The following MGMT variants were observed in gnomAD, a reference collection of about 807,000 sequenced individuals.
MGMT encodes the protein methylated-DNA--protein-cysteine methyltransferase.
A neutral mutation model predicts 15.9 loss-of-function variants in MGMT; 14 were observed. The ratio of observed to expected loss-of-function variants is 0.88; its 90% CI spans 0.58 to 1.37. The LOEUF (loss-of-function observed/expected upper bound fraction) is 1.37, where lower values mean the gene tolerates loss of function less well. Ranked by LOEUF, MGMT falls within the 40% of genes most tolerant of loss-of-function variation. The pLI is 0.00. For synonymous variants in MGMT, 130 were observed against 118.2 expected (o/e 1.10, Z -0.65); for missense variants, 282 against 268.1 (o/e 1.05, Z -0.36).
At chr10:129,757,657 C>G (rs908818972) in intron 3 of MGMT, among the ~76,000 whole-genome samples, 1 of 152,106 alleles carries the variant, frequency 6.6e-6, no homozygotes, top group Non-Finnish European at 1.5e-5. Flanking sequence ...TTAGGCATAA[C>G]AACAACAGCA....
In MGMT at chr10:129,659,244, C is replaced by T. The variant is rs933363773; in HGVS notation, c.126-48651C>T. 2.0e-5 allele frequency among the ~76,000 whole-genome samples: 3 copies of T among 152,032 alleles called. No homozygotes were observed. Among genetic ancestry groups the T allele is most frequent in the African/African-American group, 4.8e-5 (2 of 41,370 alleles). ...TGGTGGTGCACACCCGTAGTCTCAG[C>T]TACTCGGGAGGCTGAGGCAGGAGAA... is the stretch of plus-strand genomic sequence containing the variant. On this transcript the variant is annotated intron_variant, in intron 2 of 4. Coordinates refer to ENST00000651593, the MANE Select transcript of MGMT (RefSeq NM_002412.5). The surrounding 1 kb of genome is among the most constrained non-coding windows in gnomAD (Gnocchi z 4.1).
chr10:129,578,993 G>A (rs192482996), intron 2 of MGMT, among the ~76,000 whole-genome samples: 9 of 152,202 alleles, frequency 5.9e-5, no homozygotes, highest in South Asian at 4.2e-4. Context: ...TAAGCCTGCC[G>A]TCGCCTTAAT....
At chr10:129,584,947 G>A (rs1040094127) in intron 2 of MGMT, among the ~76,000 whole-genome samples, 6 of 152,136 alleles carry the variant, frequency 3.9e-5, no homozygotes, top group African/African-American at 1.2e-4. Flanking sequence ...GTGTATATAT[G>A]TGTTCATTTC....
intron 2 of MGMT, among the ~76,000 whole-genome samples, chr10:129,580,426 G>T (rs1258581540): frequency 6.6e-6 from 1 of 152,218 alleles, no homozygotes; most frequent in African/African-American, 2.4e-5. Flanking sequence ...AGGTCACACA[G>T]CTCTTCAGAG....
chr10:129,613,247 A>G (rs1175185901), intron 2 of MGMT, among the ~76,000 whole-genome samples: 1 of 152,198 alleles, frequency 6.6e-6, no homozygotes, highest in Non-Finnish European at 1.5e-5. Flanking sequence ...GAATAAAACC[A>G]AGAGAGTCAC....
chr10:129,624,875 G>A (rs778506058), intron 2 of MGMT, among the ~76,000 whole-genome samples: 1 of 152,122 alleles, frequency 6.6e-6, no homozygotes, highest in Non-Finnish European at 1.5e-5. Context: ...CTATGTAAAC[G>A]TGACAAAGTA....
At chr10:129,647,864 T>C (rs1847414657) in intron 2 of MGMT, among the ~76,000 whole-genome samples, 1 of 152,200 alleles carries the variant, frequency 6.6e-6, no homozygotes, top group South Asian at 2.1e-4. Context: ...TTACTGAAAA[T>C]GACAAAAATG....
At chr10:129,646,925 G>A (rs1036192170) in intron 2 of MGMT, among the ~76,000 whole-genome samples, 1 of 150,996 alleles carries the variant, frequency 6.6e-6, no homozygotes, top group South Asian at 2.1e-4. Flanking sequence ...CCGCCCCTCC[G>A]TCCTCTTTCC....
chr10:129,519,551 G>C (rs1845781295), intron 1 of MGMT, among the ~76,000 whole-genome samples: 1 of 152,180 alleles, frequency 6.6e-6, no homozygotes. Flanking sequence ...ACGGAGTTCA[G>C]TGCCGTCAAG....
chr10:129,652,737 G>A (rs968534858), intron 2 of MGMT, among the ~76,000 whole-genome samples: 7 of 152,094 alleles, frequency 4.6e-5, no homozygotes, highest in Non-Finnish European at 1.0e-4. Flanking sequence ...ATGGCCGGCC[G>A]GCCTGCCTGC....
chr10:129,658,597 C>G (rs1403426105), intron 2 of MGMT, among the ~76,000 whole-genome samples: 1 of 152,158 alleles, frequency 6.6e-6, no homozygotes, highest in Non-Finnish European at 1.5e-5. Context: ...AGAATTGAAG[C>G]CCAGCCTGCT....
At chr10:129,501,919 G>A (rs1251354981) in intron 1 of MGMT, among the ~76,000 whole-genome samples, 1 of 152,192 alleles carries the variant, frequency 6.6e-6, no homozygotes, top group Non-Finnish European at 1.5e-5. Flanking sequence ...TGGCTAATGA[G>A]CGTGGCCTGG....
At chr10:129,667,174 GC>G in intron 2 of MGMT, among the ~76,000 whole-genome samples, 1 of 152,250 alleles carries the variant, frequency 6.6e-6, no homozygotes, top group Middle Eastern at 3.4e-3. Context: ...AACCATGGCG[GC>G]CCCTCAGAAC....
chr10:129,598,540 C>T lies in MGMT; in HGVS notation c.125+62163C>T, dbSNP rs78544565. On this transcript the variant is annotated intron_variant, in intron 2 of 4. Transcript: ENST00000651593. ...CAGGAAGTTAAAGTGGAAAACTGTG[C>T]TCCGGAATAAACACAATTGGGAGAA... is the stretch of plus-strand genomic sequence containing the variant. Among the ~76,000 whole-genome samples the T allele has an allele frequency of 2.6e-5, 4 of 152,252 alleles. No individual in the cohort carries two copies. The East Asian group carries it at 7.7e-4, about 29-fold the overall frequency.
intron 2 of MGMT, among the ~76,000 whole-genome samples, chr10:129,597,444 T>C (rs1846763976): frequency 6.6e-6 from 1 of 152,180 alleles, no homozygotes; most frequent in Non-Finnish European, 1.5e-5. Context: ...TTCGTCATTT[T>C]TATTACCTAC....
At chr10:129,579,408 G>C (rs935672935) in intron 2 of MGMT, among the ~76,000 whole-genome samples, 1 of 152,204 alleles carries the variant, frequency 6.6e-6, no homozygotes, top group African/African-American at 2.4e-5. Context: ...AGAGCTTTCT[G>C]CTCATCCCCG....
chr10:129,736,569 T>G lies in MGMT; in HGVS notation c.275-22633T>G, dbSNP rs141148039. On this transcript the variant is annotated intron_variant, in intron 3 of 4. Transcript: ENST00000651593. ...GCATTTAGTCCATTTACATTTAAAG[T>G]TAATATTGTTATGTGTGAATTTGAT... 3.1e-3 allele frequency among the ~76,000 whole-genome samples: 473 copies of G among 151,158 alleles called. 1 individual carries two copies. Among genetic ancestry groups the G allele is most frequent in the Non-Finnish European group, 5.5e-3 (371 of 67,550 alleles).
At chr10:129,519,051 A>G (rs76128894) in intron 1 of MGMT, among the ~76,000 whole-genome samples, 8,660 of 152,122 alleles carry the variant, frequency 0.057, 282 homozygotes, top group African/African-American at 0.076. Context: ...GAATCAAAGA[A>G]CCTCGACTAT....
intron 3 of MGMT, among the ~76,000 whole-genome samples, chr10:129,756,955 C>G (rs751359495): frequency 6.6e-6 from 1 of 152,158 alleles, no homozygotes; most frequent in Non-Finnish European, 1.5e-5. Context: ...TCTTCAAGAA[C>G]GGGTGTCATT....
Sources: allele counts gnomAD v4.1 joint callset (sites outside exome capture counted in the v4.1 genomes callset), GRCh38; gene constraint gnomAD v4.1.1; non-coding constraint Gnocchi (gnomAD v3.1); transcripts MANE v1.5; gene names NCBI Gene and HGNC (gene_info 2026-07-23, HGNC 2026-07-21).